Variants in MGAM observed in about 807,000 individuals in gnomAD.
MGAM encodes the protein alpha-1,4-glucosidase.
MGAM carries 253 observed loss-of-function variants against 358.8 expected under a neutral mutation model. That is an observed-to-expected ratio of 0.71 (90% CI 0.64 to 0.78). The LOEUF (loss-of-function observed/expected upper bound fraction) is 0.78, where lower values mean the gene tolerates loss of function less well. Among genes scored for constraint, MGAM ranks in the 30% least tolerant of loss-of-function variants. MGAM has a pLI of 0.00. For missense variants in MGAM, 3,080 were observed against 3,432.6 expected, an observed-to-expected ratio of 0.90 and a Z score of 2.57; for synonymous variants, 1,105 against 1,227.1, an observed-to-expected ratio of 0.90 and a Z score of 2.08.
chr7:142,047,066 G>A (rs1173523717), intron 21 of MGAM, among the ~76,000 whole-genome samples: 1 of 152,118 alleles, frequency 6.6e-6, no homozygotes, highest in Non-Finnish European at 1.5e-5. Flanking sequence ...ATACAATGGA[G>A]AATATGAGAC....
chr7:142,010,762 C>T (rs1481171682), intron 3 of MGAM, among the ~76,000 whole-genome samples: 2 of 152,194 alleles, frequency 1.3e-5, no homozygotes, highest in African/African-American at 2.4e-5. Flanking sequence ...CTTCTATCAT[C>T]TAAGACCCTA....
chr7:142,065,965 T>A, intron 40 of MGAM, 134 bp downstream of exon 40: 1 of 758,284 alleles, frequency 1.3e-6, no homozygotes, highest in Non-Finnish European at 1.9e-6. Flanking sequence ...TTTGTTTTGT[T>A]TTGTTTTTTT....
intron 18 of MGAM, among the ~76,000 whole-genome samples, chr7:142,037,895 A>G (rs1808129614): frequency 6.6e-6 from 1 of 152,102 alleles, no homozygotes; most frequent in African/African-American, 2.4e-5. Flanking sequence ...TTTGAGTTAT[A>G]AAGAATCCAA....
intron 70 of MGAM, among the ~76,000 whole-genome samples, chr7:142,104,285 C>G (rs1051065530): frequency 6.6e-6 from 1 of 152,104 alleles, no homozygotes; most frequent in African/African-American, 2.4e-5. Context: ...GATTCTGCCT[C>G]AACGTAATTT....
At chr7:142,061,060 C>A (rs1479212315) in intron 34 of MGAM, among the ~76,000 whole-genome samples, 2 of 152,074 alleles carry the variant, frequency 1.3e-5, no homozygotes, top group African/African-American at 4.8e-5. Context: ...ATACATGGCT[C>A]CTTACAGGAG....
At chr7:142,032,748 T>A in intron 13 of MGAM, 77 bp from the exon 14 acceptor site, 1 of 836,120 alleles carries the variant, frequency 1.2e-6, no homozygotes, top group Non-Finnish European at 1.9e-6. Flanking sequence ...ATCTGATTAA[T>A]TAAAAAAAGA....
chr7:142,076,409 AAGG>A, intron 46 of MGAM, 157 bp downstream of exon 46: 1 of 938,344 alleles, frequency 1.1e-6, no homozygotes, highest in Non-Finnish European at 1.7e-6. Flanking sequence ...ATGTTTTCAA[AAGG>A]AGGCATTAAT....
chr7:141,986,931 C>T (rs977529994), intron 2 of MGAM, among the ~76,000 whole-genome samples: 3 of 152,160 alleles, frequency 2.0e-5, no homozygotes, highest in Admixed American at 6.5e-5. Flanking sequence ...GGAGGTCCTA[C>T]ACTTGCAGGT....
intron 47 of MGAM, 23 bp downstream of exon 47, chr7:142,076,849 T>TG: frequency 1.3e-6 from 2 of 1,544,492 alleles, no homozygotes; most frequent in Non-Finnish European, 1.8e-6. Flanking sequence ...TTTGTTGAGA[T>TG]GGTACATTGA....
chr7:142,068,840 T>C (rs931359573), intron 43 of MGAM, 137 bp downstream of exon 43: 4 of 749,562 alleles, frequency 5.3e-6, no homozygotes, highest in South Asian at 4.9e-5. Context: ...CTTTAACCCT[T>C]GTAATCTCAG....
chr7:142,057,528 G>C (rs1811679150), intron 30 of MGAM, among the ~76,000 whole-genome samples: 1 of 141,324 alleles, frequency 7.1e-6, no homozygotes, highest in African/African-American at 2.6e-5. Context: ...GGTGGGGATG[G>C]TGGTTGGGGT....
chr7:142,064,675 T>C (rs1046693413), intron 37 of MGAM, among the ~76,000 whole-genome samples, 153 bp downstream of exon 37: 4 of 152,220 alleles, frequency 2.6e-5, no homozygotes, highest in Admixed American at 6.5e-5. Flanking sequence ...CAAATGCTCA[T>C]TGACATGGAG....
rs186262972 is a variant in MGAM, at chr7:142,095,909, G to A, written c.7607+196G>A. 292 of 859,970 alleles carry A rather than the reference G, an allele frequency of 3.4e-4. No individual in the cohort carries two copies. The African/African-American group carries it at 4.7e-3, about 14-fold the overall frequency. 53.3% of individuals were successfully genotyped at this position (859,970 alleles called of 1,614,324 possible). A position where few individuals can be genotyped will look rare whatever the true frequency, so the allele number is the denominator to read the frequency against. On this transcript the variant is annotated intron_variant, in intron 64 of 70. Coordinates refer to ENST00000475668, the MANE Select transcript of MGAM (RefSeq NM_001365693.1). Reference sequence around the variant, plus strand: ...ATTAATAAAAGGTTATTGATTGAATGAGCAAAACTGAAATGATGCAGTATA... The same window carrying A: ...ATTAATAAAAGGTTATTGATTGAATAAGCAAAACTGAAATGATGCAGTATA...
Position 142,071,083 on chromosome 7 carries a change from G to T in MGAM, c.5151G>T (p.Leu1717=). The T allele has an allele frequency of 6.4e-7, 1 of 1,556,154 alleles. No individual in the cohort carries two copies. The highest frequency in any genetic ancestry group is 8.8e-7 in the Non-Finnish European group (1 of 1,132,490). ...TTCATGTCCGTGGGGGCTACATCCT[G>T]CCCTGGCAAGAGCCTGCACTGAACA... The part of the protein sequence containing the change: ...INLHVRGGYI[L]PWQEPALNTH... The change falls in exon 44 of 71, where the codon CTG becomes CTT. Residue 1717 remains leucine (L), a synonymous_variant. Coordinates refer to ENST00000475668, the MANE Select transcript of MGAM (RefSeq NM_001365693.1).
chr7:142,024,102 G>A (rs1264162896), intron 7 of MGAM, among the ~76,000 whole-genome samples: 5 of 152,032 alleles, frequency 3.3e-5, no homozygotes, highest in African/African-American at 9.7e-5. Flanking sequence ...GGTGGCGGGT[G>A]CCTGTAGTCC....
At chr7:142,046,030 A>G (rs1294036452) in intron 21 of MGAM, among the ~76,000 whole-genome samples, 1 of 118,748 alleles carries the variant, frequency 8.4e-6, no homozygotes, top group African/African-American at 4.0e-5. Flanking sequence ...TACAATATGT[A>G]ATATATATTA....
chr7:142,047,448 C>T (rs922127337), intron 21 of MGAM, among the ~76,000 whole-genome samples: 1 of 152,082 alleles, frequency 6.6e-6, no homozygotes, highest in South Asian at 2.1e-4. Context: ...ATAACTGAAC[C>T]AGTTATTGCC....
intron 21 of MGAM, among the ~76,000 whole-genome samples, chr7:142,044,030 A>T (rs1355523596): frequency 7.3e-6 from 1 of 137,842 alleles, no homozygotes; most frequent in African/African-American, 2.8e-5. Flanking sequence ...TTATATACAC[A>T]TACGACGTAT....
At chr7:141,993,962 G>A (rs1422673999), upstream of MGAM, among the ~76,000 whole-genome samples, 3 of 152,070 alleles carry the variant, frequency 2.0e-5, no homozygotes, top group Non-Finnish European at 4.4e-5. Flanking sequence ...TACAACCTCC[G>A]CCTCCTGGGT....
Sources: gnomAD v4.1 joint callset for allele counts (sites outside exome capture counted in the v4.1 genomes callset) on GRCh38, gnomAD v4.1.1 for gene constraint, MANE v1.5 for transcripts, NCBI Gene and HGNC (gene_info 2026-07-23, HGNC 2026-07-21) for gene names.